The following CPEB1 variants were observed in gnomAD, a reference collection of about 807,000 sequenced individuals.
CPEB1 encodes cytoplasmic polyadenylation element-binding protein 1.
A neutral mutation model predicts 65.8 loss-of-function variants in CPEB1; 7 were observed. The ratio of observed to expected loss-of-function variants is 0.11; its 90% CI spans 0.06 to 0.20. The LOEUF (loss-of-function observed/expected upper bound fraction) is 0.20. Among genes scored for constraint, CPEB1 ranks in the 10% least tolerant of loss-of-function variants. The pLI is 1.00. For synonymous variants in CPEB1, 262 were observed against 260.0 expected (o/e 1.01, Z -0.08); for missense variants, 551 against 712.2 (o/e 0.77, Z 2.58).
intron 8 of CPEB1, 23 bp downstream of exon 8, chr15:82,553,444 T>G (rs1007673716): frequency 1.9e-6 from 3 of 1,594,634 alleles, no homozygotes; most frequent in African/African-American, 2.7e-5. Context: ...CTACCATGTC[T>G]TTATTACCTT....
In CPEB1 at chr15:82,613,870, C is replaced by A. The variant is rs530589823; in HGVS notation, c.271+13323G>T. Among the ~76,000 whole-genome samples, 4 of 152,276 alleles carry A rather than the reference C, an allele frequency of 2.6e-5. No homozygotes were observed. The South Asian group carries it at 8.3e-4, about 32-fold the overall frequency. On this transcript the variant is annotated intron_variant, in intron 3 of 12. Coordinates refer to ENST00000684509, the MANE Select transcript of CPEB1 (RefSeq NM_001365242.1). ...AACTCTACCACCCCGCCCCGCTCCC[C>A]CCTCAATGCCCCCCTGGGACAGCCC...
intron 3 of CPEB1, among the ~76,000 whole-genome samples, chr15:82,605,339 A>C (rs2043469523): frequency 6.6e-6 from 1 of 152,138 alleles, no homozygotes; most frequent in Admixed American, 6.6e-5. Context: ...TATAATAGAG[A>C]GTATATTTTT....
chr15:82,630,686 C>T (rs1181886548), intron 1 of CPEB1, among the ~76,000 whole-genome samples: 1 of 152,020 alleles, frequency 6.6e-6, no homozygotes, highest in Non-Finnish European at 1.5e-5. Flanking sequence ...TGTAAATGTA[C>T]ATTGTCCTCC....
chr15:82,583,025 T>G (rs1045399930), intron 3 of CPEB1, among the ~76,000 whole-genome samples: 2 of 152,008 alleles, frequency 1.3e-5, no homozygotes, highest in African/African-American at 4.8e-5. Context: ...GTTTAATTCT[T>G]AACACTAACT....
intron 3 of CPEB1, among the ~76,000 whole-genome samples, chr15:82,603,092 G>A (rs1166709506): frequency 6.6e-6 from 1 of 151,936 alleles, no homozygotes; most frequent in Non-Finnish European, 1.5e-5. Context: ...CATTCTTTGT[G>A]GCCTTTTAAT....
upstream of CPEB1, chr15:82,647,839 C>A: frequency 1.6e-6 from 2 of 1,279,858 alleles, no homozygotes; most frequent in Non-Finnish European, 2.0e-6. Context: ...CCCAGGCGAG[C>A]GGCGGGTGGC....
At chr15:82,608,694 T>C (rs1047246873) in intron 3 of CPEB1, among the ~76,000 whole-genome samples, 1 of 152,240 alleles carries the variant, frequency 6.6e-6, no homozygotes, top group Non-Finnish European at 1.5e-5. Flanking sequence ...AGTGTTCTCA[T>C]TGGTTTTTAT....
chr15:82,582,686 C>T (rs1295920561), intron 3 of CPEB1, among the ~76,000 whole-genome samples: 10 of 151,546 alleles, frequency 6.6e-5, no homozygotes, highest in South Asian at 4.2e-4. Context: ...CCCTTTTCTG[C>T]ACTCAGGTCC....
intron 1 of CPEB1, among the ~76,000 whole-genome samples, chr15:82,635,455 T>C (rs1028246130): frequency 2.0e-5 from 3 of 152,214 alleles, no homozygotes; most frequent in Non-Finnish European, 2.9e-5. Flanking sequence ...TGCTTCTCTG[T>C]GTTTAAATTT....
intron 4 of CPEB1, among the ~76,000 whole-genome samples, chr15:82,559,495 G>A (rs941566145): frequency 3.9e-5 from 6 of 152,004 alleles, no homozygotes; most frequent in African/African-American, 9.7e-5. Context: ...CATTCCCACC[G>A]GCAGTGATGA....
At chr15:82,606,080 G>A (rs963452001) in intron 3 of CPEB1, among the ~76,000 whole-genome samples, 38 of 152,246 alleles carry the variant, frequency 2.5e-4, no homozygotes, top group African/African-American at 8.2e-4. Flanking sequence ...AGCACAAGAG[G>A]AGGAGAAAAT....
chr15:82,590,441 G>C (rs1050595620), intron 3 of CPEB1, among the ~76,000 whole-genome samples: 12 of 152,136 alleles, frequency 7.9e-5, no homozygotes, highest in African/African-American at 2.4e-4. Flanking sequence ...TATCCTTTCA[G>C]ACAAGATCAG....
intron 3 of CPEB1, among the ~76,000 whole-genome samples, chr15:82,623,159 C>A (rs902982155): frequency 1.3e-5 from 2 of 152,186 alleles, no homozygotes; most frequent in African/African-American, 4.8e-5. Context: ...AATTTTAATT[C>A]TCTTCAAAGC....
At chr15:82,553,678 C>T (rs976044940) in intron 7 of CPEB1, 122 bp from the exon 8 acceptor site, 4 of 813,930 alleles carry the variant, frequency 4.9e-6, no homozygotes, top group Non-Finnish European at 8.3e-6. Flanking sequence ...AACTCAGAAA[C>T]GAATGCTGAT....
At chr15:82,549,915 G>C (rs771658604) in intron 9 of CPEB1, among the ~76,000 whole-genome samples, 1 of 152,060 alleles carries the variant, frequency 6.6e-6, no homozygotes. Flanking sequence ...ATGCTGGAGA[G>C]TAAGCAAAAA....
At chr15:82,617,996 G>GTGC (rs1363585500) in intron 3 of CPEB1, among the ~76,000 whole-genome samples, 4 of 151,704 alleles carry the variant, frequency 2.6e-5, no homozygotes, top group Non-Finnish European at 4.4e-5. Context: ...GCCTCCCAAA[G>GTGC]TGCTGGGATT....
At chr15:82,623,108 G>GA (rs1567229139) in intron 3 of CPEB1, among the ~76,000 whole-genome samples, 1 of 151,924 alleles carries the variant, frequency 6.6e-6, no homozygotes, top group African/African-American at 2.4e-5. Context: ...TGGAGCAACA[G>GA]AAAAAAAATA....
intron 3 of CPEB1, among the ~76,000 whole-genome samples, chr15:82,599,437 A>C (rs1008462448): frequency 6.6e-6 from 1 of 152,170 alleles, no homozygotes; most frequent in African/African-American, 2.4e-5. Context: ...TTCTTCCTGA[A>C]AAAAAATGCT....
chr15:82,635,204 G>A lies in CPEB1; in HGVS notation c.-97-6648C>T, dbSNP rs1193318672. 3.9e-5 allele frequency among the ~76,000 whole-genome samples: 6 copies of A among 152,212 alleles called. No individual in the cohort carries two copies. The East Asian group carries it at 5.8e-4, about 15-fold the overall frequency. ...AAGCTAAACAAAATTTCTATAGCAC[G>A]GATACTCAGGATTTTAGGCATATTC... On this transcript the variant is annotated intron_variant, in intron 1 of 12. Transcript: ENST00000684509.
Sources: gnomAD v4.1 joint callset for allele counts (sites outside exome capture counted in the v4.1 genomes callset) on GRCh38, gnomAD v4.1.1 for gene constraint, MANE v1.5 for transcripts, NCBI Gene and HGNC (gene_info 2026-07-23, HGNC 2026-07-21) for gene names.